HEATR4: variants seen among roughly 807,000 people sequenced by gnomAD.
HEATR4 encodes the protein HEAT repeat containing 4, also known as HEAT repeat-containing protein 4.
A neutral mutation model predicts 108.8 loss-of-function variants in HEATR4; 95 were observed. The observed-to-expected ratio is 0.87, with a 90% CI of 0.74 to 1.04. The LOEUF (loss-of-function observed/expected upper bound fraction) is 1.04. Ranked by LOEUF, HEATR4 falls within the 50% of genes least tolerant of loss-of-function variation. The probability of loss-of-function intolerance (pLI) is 0.00; values close to 1 mark genes in which losing one functional copy is unlikely to be tolerated. For synonymous variants in HEATR4, 443 were observed against 459.4 expected, an observed-to-expected ratio of 0.96 and a Z score of 0.46; for missense variants, 1,152 against 1,253.8, an observed-to-expected ratio of 0.92 and a Z score of 1.23.
At chr14:73,573,562 C>T in the HEATR4 span, 1 of 1,613,654 alleles carries the variant, frequency 6.2e-7, no homozygotes. Flanking sequence ...TTTGAAGAAG[C>T]CATGAACTAC....
chr14:73,511,549 AAAT>A (rs1566833411), intron 7 of HEATR4, among the ~76,000 whole-genome samples: 3 of 129,672 alleles, frequency 2.3e-5, no homozygotes, highest in African/African-American at 8.4e-5. Context: ...ATAAATAAAT[AAAT>A]AAATAAATAA....
the HEATR4 span, among the ~76,000 whole-genome samples, chr14:73,605,698 G>T: frequency 3.6e-3 from 542 of 148,672 alleles, no homozygotes; most frequent in Non-Finnish European, 6.3e-3. Context: ...AGCCTCCCAA[G>T]TAGCTGGGAT....
Position 73,492,823 on chromosome 14 carries a change from T to C in HEATR4, c.2844+243A>G, listed in dbSNP as rs760477509. The C allele has an allele frequency of 5.6e-6, 9 of 1,613,952 alleles. No individual in the cohort carries two copies. The highest frequency in any genetic ancestry group is 1.1e-5 in the South Asian group (1 of 91,088). Reference sequence around the variant, plus strand: ...CCATGGAACTGTTGCTTGGTTCTTATCCAGAGTTTGTGAGAGTGGGGGACC... The same window carrying C: ...CCATGGAACTGTTGCTTGGTTCTTACCCAGAGTTTGTGAGAGTGGGGGACC... On this transcript the variant is annotated intron_variant, in intron 17 of 17. Transcript: ENST00000553558. This position sits in a 1 kb window ranked among gnomAD's most constrained non-coding sequence, Gnocchi z 4.9.
At chr14:73,488,198 G>A (rs1218784798) in intron 17 of HEATR4, among the ~76,000 whole-genome samples, 1 of 152,326 alleles carries the variant, frequency 6.6e-6, no homozygotes, top group South Asian at 2.1e-4. Context: ...GAGGGACCTG[G>A]TGGGAGGTGA....
At chr14:73,490,817 G>T in intron 17 of HEATR4, 10 of 486,862 alleles carry the variant, frequency 2.1e-5, no homozygotes, top group Non-Finnish European at 3.3e-5. Flanking sequence ...AAGGGTTCTT[G>T]CCGCTGCCGC....
chr14:73,612,376 C>A, the HEATR4 span: 2 of 420,234 alleles, frequency 4.8e-6, no homozygotes, highest in Non-Finnish European at 8.2e-6. Context: ...AGCAGATACT[C>A]TTTCATTTGG....
the HEATR4 span, among the ~76,000 whole-genome samples, chr14:73,628,708 G>A: frequency 2.7e-5 from 4 of 147,244 alleles, no homozygotes; most frequent in African/African-American, 5.0e-5. Context: ...AGCTGAGATC[G>A]GGCCATTGCA....
At chr14:73,599,778 A>G in the HEATR4 span, among the ~76,000 whole-genome samples, 1 of 152,162 alleles carries the variant, frequency 6.6e-6, no homozygotes, top group Non-Finnish European at 1.5e-5. Flanking sequence ...TTGAAAGGAG[A>G]GTGGCAAGGT....
chr14:73,506,376 A>T, intron 10 of HEATR4, 91 bp downstream of exon 10: 2 of 824,500 alleles, frequency 2.4e-6, no homozygotes, highest in Non-Finnish European at 4.1e-6. Context: ...TTTGGTAAGA[A>T]TGGAATAATA....
the HEATR4 span, chr14:73,611,595 G>A: frequency 2.0e-5 from 3 of 152,170 alleles, no homozygotes. Context: ...TTAGATTTGT[G>A]AGGTAAGAAA....
the HEATR4 span, among the ~76,000 whole-genome samples, chr14:73,606,386 A>C: frequency 0.088 from 2,634 of 30,062 alleles, 79 homozygotes; most frequent in African/African-American, 0.27. Context: ...AAACAAAACA[A>C]AAAAAAAAAA....
At chr14:73,496,426 C>G (rs1253516656) in intron 15 of HEATR4, among the ~76,000 whole-genome samples, 175 bp downstream of exon 15, 2 of 152,148 alleles carry the variant, frequency 1.3e-5, no homozygotes, top group Non-Finnish European at 2.9e-5. Context: ...GACCTTGTAA[C>G]CCAATCTTGC....
intron 17 of HEATR4, among the ~76,000 whole-genome samples, chr14:73,482,663 C>T (rs1166434775): frequency 6.6e-6 from 1 of 152,222 alleles, no homozygotes; most frequent in South Asian, 2.1e-4. Context: ...GAAGAGTGAA[C>T]CTTATTTTTT....
chr14:73,594,558 C>T, the HEATR4 span, among the ~76,000 whole-genome samples: 2 of 152,312 alleles, frequency 1.3e-5, no homozygotes, highest in African/African-American at 4.8e-5. Flanking sequence ...AGATATTCTG[C>T]ACATGGGAAG....
intron 1 of HEATR4, chr14:73,537,948 TG>T: frequency 9.3e-7 from 1 of 1,075,712 alleles, no homozygotes; most frequent in African/African-American, 1.7e-5. Context: ...TGTGTGTGTG[TG>T]TGTCCCCTTC....
chr14:73,621,237 CA>C, the HEATR4 span, among the ~76,000 whole-genome samples: 49,057 of 151,790 alleles, frequency 0.32, 9,606 homozygotes, highest in East Asian at 0.65. Flanking sequence ...CTCTGAACGC[CA>C]GTCTGAAGAC....
chr14:73,602,666 A>G, the HEATR4 span, among the ~76,000 whole-genome samples: 1 of 152,226 alleles, frequency 6.6e-6, no homozygotes, highest in Non-Finnish European at 1.5e-5. Flanking sequence ...GCAGGCTACA[A>G]TTATGATTGA....
At chr14:73,558,460 A>C (rs1889441038) in intron 1 of HEATR4, among the ~76,000 whole-genome samples, 1 of 134,158 alleles carries the variant, frequency 7.5e-6, no homozygotes, top group Non-Finnish European at 1.6e-5. Flanking sequence ...GGGCTCAAGC[A>C]ATCCTCCCAC....
chr14:73,627,066 A>C, the HEATR4 span, among the ~76,000 whole-genome samples: 3 of 151,732 alleles, frequency 2.0e-5, no homozygotes, highest in Admixed American at 6.6e-5. Flanking sequence ...TGCTGGGATT[A>C]CAGGTGTGAG....
Sources: allele counts gnomAD v4.1 joint callset (sites outside exome capture counted in the v4.1 genomes callset), GRCh38; gene constraint gnomAD v4.1.1; non-coding constraint Gnocchi (gnomAD v3.1); transcripts MANE v1.5; gene names NCBI Gene and HGNC (gene_info 2026-07-23, HGNC 2026-07-21).